The following FANCL variants were observed in gnomAD, a reference collection of about 807,000 sequenced individuals.
FANCL encodes the protein FA complementation group L, also known as E3 ubiquitin-protein ligase FANCL.
In FANCL, 69 loss-of-function variants were observed where a neutral mutation model predicts 59.4. The ratio of observed to expected loss-of-function variants is 1.16; its 90% CI spans 0.96 to 1.42. FANCL has a LOEUF of 1.42. Among genes scored for constraint, FANCL ranks in the 40% most tolerant of loss-of-function variants. The pLI is 0.00. For missense variants in FANCL, 519 were observed against 447.2 expected, an observed-to-expected ratio of 1.16 and a Z score of -1.45; for synonymous variants, 180 against 147.1, an observed-to-expected ratio of 1.22 and a Z score of -1.62.
intron 7 of FANCL, among the ~76,000 whole-genome samples, chr2:58,182,849 T>C (rs191796408): frequency 1.7e-3 from 265 of 151,824 alleles, no homozygotes; most frequent in Non-Finnish European, 2.0e-3. Flanking sequence ...CAATAGAGTA[T>C]GCTGATTAAG....
chr2:58,225,320 A>G (rs1057480194), intron 4 of FANCL, among the ~76,000 whole-genome samples: 2 of 151,996 alleles, frequency 1.3e-5, no homozygotes, highest in Admixed American at 1.3e-4. Flanking sequence ...GAAAAGAAAC[A>G]AGCACTTATC....
At chr2:58,169,340 CAGAA>C (rs1430965797) in intron 7 of FANCL, among the ~76,000 whole-genome samples, 1 of 152,130 alleles carries the variant, frequency 6.6e-6, no homozygotes, top group Non-Finnish European at 1.5e-5. Context: ...AACTAACAAA[CAGAA>C]AGCAATAGCA....
chr2:58,219,927 C>T lies in FANCL; in HGVS notation c.374+2015G>A, dbSNP rs541238187. ...ATGGAAGACATCCAAACATAAAATC[C>T]CTACTGCATATCTTAGGACTATTTC... On this transcript the variant is annotated intron_variant, in intron 5 of 13. Coordinates refer to ENST00000233741, the MANE Select transcript of FANCL (RefSeq NM_018062.4). 9.9e-5 allele frequency among the ~76,000 whole-genome samples: 15 copies of T among 152,198 alleles called. No individual in the cohort carries two copies. The South Asian group carries it at 3.1e-3, about 32-fold the overall frequency.
chr2:58,213,417 G>A (rs1691379070), intron 5 of FANCL: 1 of 152,102 alleles, frequency 6.6e-6, no homozygotes, highest in South Asian at 2.1e-4. Context: ...AAAGTTGATA[G>A]GTTTTGTCAC....
Position 58,165,806 on chromosome 2 carries a change from A to T in FANCL, c.609T>A (p.Val203=). 1.9e-6 allele frequency: 3 copies of T among 1,614,148 alleles called. No individual in the cohort carries two copies. Among genetic ancestry groups the T allele is most frequent in the Non-Finnish European group, 2.5e-6 (3 of 1,179,992 alleles). ...AIESLKAFWD[V]MDEIDEKTWV... ...AGGTCTTCTCATCGATTTCATCCAT[A>T]ACATCCCAGAATGCCTTTAGTGATT... The change falls in exon 8 of 14, where the codon GTT becomes GTA. Residue 203 remains valine (V), a synonymous_variant. Coordinates refer to ENST00000233741, the MANE Select transcript of FANCL (RefSeq NM_018062.4).
intron 7 of FANCL, among the ~76,000 whole-genome samples, chr2:58,175,643 TAAGAGCTATCTATGACA>T (rs1194943881): frequency 6.6e-6 from 1 of 152,162 alleles, no homozygotes; most frequent in African/African-American, 2.4e-5. Flanking sequence ...CTCAAAATAA[TAAGAGCTATCTATGACA>T]AACCCACAGC....
chr2:58,179,719 A>T (rs1687730612), intron 7 of FANCL, among the ~76,000 whole-genome samples: 1 of 150,974 alleles, frequency 6.6e-6, no homozygotes, highest in Non-Finnish European at 1.5e-5. Context: ...GGCAACAAAA[A>T]CTGACAAATG....
chr2:58,238,890 C>G (rs1694261602), intron 1 of FANCL, among the ~76,000 whole-genome samples: 2 of 152,114 alleles, frequency 1.3e-5, no homozygotes, highest in South Asian at 4.1e-4. Flanking sequence ...AGAGGAAATG[C>G]AAAGCCTTAA....
At chr2:58,235,202 C>T (rs58321248) in intron 1 of FANCL, among the ~76,000 whole-genome samples, 2,873 of 151,926 alleles carry the variant, frequency 0.019, 102 homozygotes, top group African/African-American at 0.066. Context: ...GAAACGCCAG[C>T]GAATTTCAGA....
At chr2:58,163,294 C>G (rs910914580) in intron 9 of FANCL, 140 bp downstream of exon 9, 3 of 753,788 alleles carry the variant, frequency 4.0e-6, no homozygotes, top group Non-Finnish European at 6.8e-6. Flanking sequence ...ACACTACATA[C>G]TGGGCAACAA....
chr2:58,194,285 G>A, intron 7 of FANCL: 1 of 470,896 alleles, frequency 2.1e-6, no homozygotes, highest in South Asian at 1.5e-5. Context: ...TGGACAAAAG[G>A]AATTTCGTTT....
intron 7 of FANCL, among the ~76,000 whole-genome samples, chr2:58,180,746 T>C (rs1232266276): frequency 2.0e-5 from 3 of 151,952 alleles, no homozygotes; most frequent in Admixed American, 6.6e-5. Flanking sequence ...AGCCACCTTC[T>C]CATTTTTTAA....
At chr2:58,161,335 A>G (rs899856733) in intron 12 of FANCL, among the ~76,000 whole-genome samples, 187 bp downstream of exon 12, 8 of 151,850 alleles carry the variant, frequency 5.3e-5, no homozygotes, top group African/African-American at 1.9e-4. Context: ...ACATTTCTCC[A>G]CTCATTAGTA....
chr2:58,221,462 A>G (rs573283224), intron 5 of FANCL, among the ~76,000 whole-genome samples: 1 of 152,276 alleles, frequency 6.6e-6, no homozygotes, highest in South Asian at 2.1e-4. Context: ...TTTTTCAAAG[A>G]AAGCTGGATG....
In FANCL at chr2:58,241,283, G is replaced by A. The variant is rs1234421819; in HGVS notation, c.31C>T (p.Gln11Ter). 1.2e-6 allele frequency: 2 copies of A among 1,614,270 alleles called. No individual in the cohort carries two copies. Among genetic ancestry groups the A allele is most frequent in the African/African-American group, 1.3e-5 (1 of 75,082 alleles). Reference protein sequence around the residue: MAVTEASLLRQCPLLLPQNRS... With the variant: MAVTEASLLR ...TTCTGGGGCAGAAGCAGGGGGCACTGGCGCAACAGGCTCGCTTCCGTCACC... is the reference window on the plus strand; with the variant it reads ...TTCTGGGGCAGAAGCAGGGGGCACTAGCGCAACAGGCTCGCTTCCGTCACC... The change falls in exon 1 of 14, where the codon CAG becomes TAG. Residue 11 changes from glutamine to a stop codon, truncating the protein, a stop_gained. Coordinates refer to ENST00000233741, the MANE Select transcript of FANCL (RefSeq NM_018062.4). LOFTEE classifies it high-confidence loss of function.
Position 58,219,140 on chromosome 2 carries a change from T to TAAAA in FANCL, c.374+2798_374+2801dup, listed in dbSNP as rs70954881. ...TCAGTGCCAGAAAGTAAATACATGC[T>TAAAA]AAAAAAAAAAAAAAAAAAAAAAAAA... On this transcript the variant is annotated intron_variant, in intron 5 of 13. Coordinates refer to ENST00000233741, the MANE Select transcript of FANCL (RefSeq NM_018062.4). Among the ~76,000 whole-genome samples the TAAAA allele has an allele frequency of 1.8e-3, 30 of 16,604 alleles. 5 individuals carry two copies. Among genetic ancestry groups the TAAAA allele is most frequent in the Non-Finnish European group, 3.4e-3 (26 of 7,722 alleles). The allele number at this position is 16,604 out of a possible 152,430, so 10.9% of individuals were successfully genotyped here.
intron 7 of FANCL, among the ~76,000 whole-genome samples, chr2:58,185,066 T>C (rs940998031): frequency 6.6e-6 from 1 of 152,014 alleles, no homozygotes; most frequent in Non-Finnish European, 1.5e-5. Flanking sequence ...ACTACCTCTA[T>C]AATACTACAT....
At chr2:58,184,851 G>C (rs959354869) in intron 7 of FANCL, among the ~76,000 whole-genome samples, 19 of 152,078 alleles carry the variant, frequency 1.2e-4, no homozygotes. Flanking sequence ...TCGTGAGAAA[G>C]TTAGGAAACA....
At chr2:58,222,907 T>G (rs1479110655) in intron 4 of FANCL, among the ~76,000 whole-genome samples, 1 of 151,970 alleles carries the variant, frequency 6.6e-6, no homozygotes, top group Non-Finnish European at 1.5e-5. Context: ...AGGGACAAGT[T>G]GAAAATTATA....
Sources: allele counts gnomAD v4.1 joint callset (sites outside exome capture counted in the v4.1 genomes callset), GRCh38; gene constraint gnomAD v4.1.1; transcripts MANE v1.5; gene names NCBI Gene and HGNC (gene_info 2026-07-23, HGNC 2026-07-21).